STXBP4: variants seen among roughly 807,000 people sequenced by gnomAD.
STXBP4 encodes syntaxin binding protein 4.
In STXBP4, 55 loss-of-function variants were observed where a neutral mutation model predicts 76.1. The ratio of observed to expected loss-of-function variants is 0.72; its 90% confidence interval spans 0.58 to 0.91. The LOEUF (loss-of-function observed/expected upper bound fraction) is 0.91, where lower values mean the gene tolerates loss of function less well. Among genes scored for constraint, STXBP4 ranks in the 40% least tolerant of loss-of-function variants. The pLI is 0.00. For synonymous variants in STXBP4, 201 were observed against 220.2 expected, an observed-to-expected ratio of 0.91 and a Z score of 0.77; for missense variants, 618 against 636.9, an observed-to-expected ratio of 0.97 and a Z score of 0.32.
At chr17:55,154,134 C>T (rs572327892) in intron 17 of STXBP4, among the ~76,000 whole-genome samples, 2 of 152,252 alleles carry the variant, frequency 1.3e-5, no homozygotes, top group African/African-American at 2.4e-5. Flanking sequence ...ACCCAGGCTC[C>T]TCCCATCTCA....
At chr17:55,145,327 T>A (rs2080140364) in intron 17 of STXBP4, among the ~76,000 whole-genome samples, 1 of 152,206 alleles carries the variant, frequency 6.6e-6, no homozygotes. Flanking sequence ...AGTAATGGAC[T>A]CAGATCATTG....
intron 15 of STXBP4, 58 bp downstream of exon 15, chr17:55,078,793 G>T (rs1383156231): frequency 2.1e-6 from 2 of 961,594 alleles, no homozygotes; most frequent in East Asian, 4.8e-5. Context: ...TCTTCATCTG[G>T]TCATTGTGAC....
At chr17:55,156,992 G>T (rs1378996103) in intron 17 of STXBP4, among the ~76,000 whole-genome samples, 1 of 151,966 alleles carries the variant, frequency 6.6e-6, no homozygotes, top group Non-Finnish European at 1.5e-5. Context: ...CAATTTAATG[G>T]AATGTTCATA....
At chr17:54,968,885 A>G in intron 1 of STXBP4, 70 bp downstream of exon 1, 2 of 466,598 alleles carry the variant, frequency 4.3e-6, no homozygotes, top group South Asian at 3.3e-5. Context: ...CTTAACATTT[A>G]GGAAAATGCG....
At chr17:55,098,164 G>C (rs1042275139) in intron 16 of STXBP4, among the ~76,000 whole-genome samples, 17 of 152,016 alleles carry the variant, frequency 1.1e-4, no homozygotes, top group African/African-American at 3.9e-4. Context: ...CGATTTATAT[G>C]ATCTATCGTT....
chr17:55,185,508 TA>T, the STXBP4 span, among the ~76,000 whole-genome samples: 9 of 151,970 alleles, frequency 5.9e-5, no homozygotes, highest in Non-Finnish European at 8.8e-5. Context: ...GTACATGAAG[TA>T]AAATGTTAAT....
chr17:54,970,667 A>G (rs1352864202), intron 1 of STXBP4, among the ~76,000 whole-genome samples: 3 of 152,224 alleles, frequency 2.0e-5, no homozygotes, highest in Non-Finnish European at 4.4e-5. Flanking sequence ...TTCTTACAGC[A>G]TAGACTGAAA....
chr17:55,154,061 C>A lies in STXBP4; in HGVS notation c.1548-5736C>A, dbSNP rs8066599. Among the ~76,000 whole-genome samples, 994 of 152,182 alleles carry A rather than the reference C, an allele frequency of 6.5e-3. 13 individuals are homozygous for A. The highest frequency in any genetic ancestry group is 0.023 in the African/African-American group (956 of 41,528). On this transcript the variant is annotated intron_variant, in intron 17 of 17. Coordinates refer to ENST00000376352, the MANE Select transcript of STXBP4 (RefSeq NM_178509.6). ...CATCTGCTTTCAGTGACTTCATGCTCACAAATCAATGCAGGGATTCCTGGT... is the reference window on the plus strand; with the variant it reads ...CATCTGCTTTCAGTGACTTCATGCTAACAAATCAATGCAGGGATTCCTGGT...
chr17:54,989,476 T>C (rs1243089790), intron 3 of STXBP4, among the ~76,000 whole-genome samples: 1 of 152,158 alleles, frequency 6.6e-6, no homozygotes, highest in Non-Finnish European at 1.5e-5. Context: ...CAACAATGGC[T>C]CTAACACAAC....
At chr17:55,188,189 A>G in the STXBP4 span, among the ~76,000 whole-genome samples, 1 of 152,248 alleles carries the variant, frequency 6.6e-6, no homozygotes, top group African/African-American at 2.4e-5. Context: ...AATGAAATAA[A>G]TAATCAACTA....
chr17:55,135,790 A>G (rs2080022187), intron 16 of STXBP4, among the ~76,000 whole-genome samples: 1 of 152,146 alleles, frequency 6.6e-6, no homozygotes, highest in African/African-American at 2.4e-5. Flanking sequence ...ATAATGCACA[A>G]ATAATGGATA....
intron 16 of STXBP4, among the ~76,000 whole-genome samples, chr17:55,135,625 TTAGC>T (rs781026351): frequency 1.3e-5 from 2 of 152,138 alleles, no homozygotes; most frequent in Non-Finnish European, 1.5e-5. Context: ...CATAGGAAAA[TTAGC>T]TAGTAGTTCT....
chr17:55,202,165 A>G, the STXBP4 span, among the ~76,000 whole-genome samples: 1,466 of 152,090 alleles, frequency 9.6e-3, 28 homozygotes, highest in African/African-American at 0.033. Context: ...CCACACTCAT[A>G]TCCTCTTGTT....
intron 17 of STXBP4, among the ~76,000 whole-genome samples, chr17:55,150,524 ACATAGTTCAGTC>A (rs1435532899): frequency 1.3e-5 from 2 of 152,212 alleles, no homozygotes; most frequent in African/African-American, 4.8e-5. Flanking sequence ...TTTAGGAGGG[ACATAGTTCAGTC>A]CATATAGTAG....
At chr17:54,990,732 A>C in intron 3 of STXBP4, 93 bp from the exon 4 acceptor site, 8 of 1,437,968 alleles carry the variant, frequency 5.6e-6, no homozygotes, top group Non-Finnish European at 7.4e-6. Flanking sequence ...TTGCTGCTCT[A>C]GATCTCAGAT....
chr17:54,976,646 C>CTA (rs2077478336), intron 1 of STXBP4, among the ~76,000 whole-genome samples: 1 of 152,182 alleles, frequency 6.6e-6, no homozygotes, highest in Non-Finnish European at 1.5e-5. Context: ...GGCAAGTGGG[C>CTA]ATTACCACCT....
intron 8 of STXBP4, among the ~76,000 whole-genome samples, chr17:55,024,127 GA>G (rs974360933): frequency 2.0e-5 from 3 of 152,138 alleles, no homozygotes; most frequent in African/African-American, 7.2e-5. Context: ...TCATTAAGTG[GA>G]CAAACATGGA....
chr17:55,193,435 C>T, the STXBP4 span, among the ~76,000 whole-genome samples: 5 of 152,048 alleles, frequency 3.3e-5, no homozygotes, highest in Non-Finnish European at 5.9e-5. Context: ...ACTACAGAAC[C>T]TGACATCAAT....
chr17:55,034,577 G>A (rs1177985791), intron 10 of STXBP4, among the ~76,000 whole-genome samples: 1 of 151,902 alleles, frequency 6.6e-6, no homozygotes, highest in African/African-American at 2.4e-5. Context: ...ATTCTAATCT[G>A]TTTTATCTCT....
Sources: gnomAD v4.1 joint callset for allele counts (sites outside exome capture counted in the v4.1 genomes callset) on GRCh38, gnomAD v4.1.1 for gene constraint, MANE v1.5 for transcripts, NCBI Gene and HGNC (gene_info 2026-07-23, HGNC 2026-07-21) for gene names.